The following PHF21A variants were observed in gnomAD, a reference collection of about 807,000 sequenced individuals.
PHF21A encodes the protein PHD finger protein 21A, also known as BHC80a.
PHF21A carries 11 observed loss-of-function variants against 82.5 expected under a neutral mutation model. The ratio of observed to expected loss-of-function variants is 0.13; its 90% CI spans 0.08 to 0.22. The LOEUF (loss-of-function observed/expected upper bound fraction) is 0.22. PHF21A is among the 10% of genes least tolerant of loss of function. The pLI is 1.00. For synonymous variants in PHF21A, 297 were observed against 302.8 expected (o/e 0.98, Z 0.20); for missense variants, 579 against 837.8 (o/e 0.69, Z 3.81).
At chr11:45,938,050 G>A (rs182440893) in intron 16 of PHF21A, 107 bp downstream of exon 16, 9 of 956,614 alleles carry the variant, frequency 9.4e-6, no homozygotes, top group East Asian at 2.5e-5. Flanking sequence ...GCCCGGAGAC[G>A]GACTGGGAGA....
chr11:46,099,084 T>A (rs1283203335), intron 1 of PHF21A, among the ~76,000 whole-genome samples: 1 of 152,138 alleles, frequency 6.6e-6, no homozygotes, highest in Admixed American at 6.5e-5. Context: ...GAAAATTTTA[T>A]AAAATAGCAT....
intron 1 of PHF21A, among the ~76,000 whole-genome samples, chr11:46,114,133 A>G (rs562123363): frequency 1.3e-5 from 2 of 152,028 alleles, no homozygotes; most frequent in South Asian, 4.1e-4. Flanking sequence ...ACACGCTTCT[A>G]CAAAGAACAC....
chr11:45,969,932 A>G (rs750604074), intron 8 of PHF21A, 28 bp from the exon 9 acceptor site: 2 of 1,432,314 alleles, frequency 1.4e-6, no homozygotes, highest in African/African-American at 2.8e-5. Context: ...TAAATAAACC[A>G]GAGAGAACAA....
intron 1 of PHF21A, among the ~76,000 whole-genome samples, chr11:46,106,235 T>C (rs1464615184): frequency 1.3e-5 from 2 of 152,368 alleles, no homozygotes; most frequent in African/African-American, 2.4e-5. Flanking sequence ...TGAACTCCTG[T>C]TTTATTTCAA....
At position 45,953,455 on chromosome 11, in the gene PHF21A, G is replaced by A. The variant is rs571485029; in HGVS notation, c.1095+72C>T. On this transcript the variant is annotated intron_variant, in intron 11 of 18. Transcript: ENST00000676320. Reference sequence around the variant, plus strand: ...GTTCATTTCATCATTCAGAGAGCAGGTGCCCCTCCTGGTACATGAGAATAA... The same window carrying A: ...GTTCATTTCATCATTCAGAGAGCAGATGCCCCTCCTGGTACATGAGAATAA... 180 of 859,380 alleles carry A rather than the reference G, an allele frequency of 2.1e-4. 1 individual carries two copies. In the East Asian group the frequency reaches 4.1e-3, roughly 19 times the overall value. The allele number at this position is 859,380 out of a possible 1,614,324, so 53.2% of individuals were successfully genotyped here. A position where few individuals can be genotyped will look rare whatever the true frequency, so the allele number is the denominator to read the frequency against.
At chr11:45,944,726 A>G (rs1361756125) in intron 15 of PHF21A, among the ~76,000 whole-genome samples, 1 of 152,164 alleles carries the variant, frequency 6.6e-6, no homozygotes, top group East Asian at 1.9e-4. Flanking sequence ...CATAAACATC[A>G]GCCTCCTGCC....
At chr11:45,944,383 A>T (rs1457909174) in intron 15 of PHF21A, among the ~76,000 whole-genome samples, 3 of 152,212 alleles carry the variant, frequency 2.0e-5, no homozygotes, top group African/African-American at 7.2e-5. Context: ...TGAAGGATAT[A>T]CATTGGTTCT....
At chr11:46,050,949 T>C (rs1308584488) in intron 6 of PHF21A, among the ~76,000 whole-genome samples, 1 of 152,142 alleles carries the variant, frequency 6.6e-6, no homozygotes, top group Non-Finnish European at 1.5e-5. Flanking sequence ...TTCTAGTAAA[T>C]TGCAAAAATT....
At chr11:46,039,336 A>C (rs530488450) in intron 6 of PHF21A, among the ~76,000 whole-genome samples, 32 of 152,138 alleles carry the variant, frequency 2.1e-4, no homozygotes, top group Non-Finnish European at 3.8e-4. Context: ...AGAACTGGTA[A>C]TTTTTTCTTG....
chr11:46,023,375 A>C (rs2095669514), intron 6 of PHF21A, among the ~76,000 whole-genome samples: 1 of 152,228 alleles, frequency 6.6e-6, no homozygotes, highest in South Asian at 2.1e-4. Context: ...AGTCATGAGC[A>C]GAAGGGATTT....
intron 6 of PHF21A, among the ~76,000 whole-genome samples, chr11:46,035,270 T>C (rs577254411): frequency 1.3e-5 from 2 of 152,352 alleles, no homozygotes; most frequent in Admixed American, 6.5e-5. Context: ...AAAAAATCCA[T>C]CTTTCTCTAC....
chr11:46,005,942 A>G (rs1308544535), intron 6 of PHF21A, among the ~76,000 whole-genome samples: 2 of 152,200 alleles, frequency 1.3e-5, no homozygotes, highest in African/African-American at 4.8e-5. Context: ...AAGAAAAATA[A>G]AACATACAAT....
intron 6 of PHF21A, among the ~76,000 whole-genome samples, chr11:46,004,580 C>T (rs1233009513): frequency 6.6e-6 from 1 of 152,132 alleles, no homozygotes; most frequent in Non-Finnish European, 1.5e-5. Flanking sequence ...TTCTTTTCTT[C>T]AACATAAAAG....
intron 15 of PHF21A, 62 bp from the exon 16 acceptor site, chr11:45,938,374 T>C: frequency 7.3e-7 from 1 of 1,370,696 alleles, no homozygotes; most frequent in Non-Finnish European, 1.0e-6. Context: ...AATGTTAACA[T>C]GCACATTCTA....
At chr11:45,996,511 CAG>C (rs142744198) in intron 6 of PHF21A, among the ~76,000 whole-genome samples, 8 of 150,802 alleles carry the variant, frequency 5.3e-5, no homozygotes, top group Admixed American at 6.6e-5. Flanking sequence ...TTTTGAGAGA[CAG>C]AGAGAGAGAG....
intron 6 of PHF21A, among the ~76,000 whole-genome samples, chr11:45,984,933 T>A (rs763989266): frequency 6.6e-6 from 1 of 152,194 alleles, no homozygotes; most frequent in Non-Finnish European, 1.5e-5. Flanking sequence ...ATTCCTTCCA[T>A]GAATCAACAT....
chr11:45,985,323 A>G (rs2094454680), intron 6 of PHF21A, among the ~76,000 whole-genome samples: 1 of 152,270 alleles, frequency 6.6e-6, no homozygotes, highest in African/African-American at 2.4e-5. Context: ...TGTTACTGTC[A>G]TAACATTAGA....
chr11:46,030,830 CGTGTGTGTGTGTGTGTGTGT>C (rs71038879), intron 6 of PHF21A, among the ~76,000 whole-genome samples: 61 of 142,308 alleles, frequency 4.3e-4, no homozygotes, highest in Admixed American at 2.9e-3. Flanking sequence ...CGTGTGTGTG[CGTGTGTGTGTGTGTGTGTGT>C]GTGTGTGTGT....
chr11:45,973,807 T>G (rs1466925255), intron 7 of PHF21A, among the ~76,000 whole-genome samples: 1 of 152,220 alleles, frequency 6.6e-6, no homozygotes, highest in African/African-American at 2.4e-5. Flanking sequence ...TTCAATCCAG[T>G]GCTATCGTGG....
Sources: gnomAD v4.1 joint callset for allele counts (sites outside exome capture counted in the v4.1 genomes callset) on GRCh38, gnomAD v4.1.1 for gene constraint, MANE v1.5 for transcripts, NCBI Gene and HGNC (gene_info 2026-07-23, HGNC 2026-07-21) for gene names.